The following PTPRR variants were observed in gnomAD, a reference collection of about 807,000 sequenced individuals.
The protein encoded by PTPRR is receptor-type tyrosine-protein phosphatase R.
A neutral mutation model predicts 77.2 loss-of-function variants in PTPRR; 38 were observed. That is an observed-to-expected ratio of 0.49 (90% CI 0.38 to 0.65). The LOEUF (loss-of-function observed/expected upper bound fraction) is 0.65, where lower values mean the gene tolerates loss of function less well. Ranked by LOEUF, PTPRR falls within the 30% of genes least tolerant of loss-of-function variation. The pLI is 0.00. For missense variants in PTPRR, 744 were observed against 799.2 expected, an observed-to-expected ratio of 0.93 and a Z score of 0.83; for synonymous variants, 299 against 283.1, an observed-to-expected ratio of 1.06 and a Z score of -0.57.
intron 2 of PTPRR, among the ~76,000 whole-genome samples, chr12:70,837,505 A>G (rs1411273504): frequency 6.6e-6 from 1 of 152,102 alleles, no homozygotes; most frequent in South Asian, 2.1e-4. Context: ...ACATCAAGCA[A>G]GAAATCAATT....
At chr12:70,747,091 A>G (rs904186486) in intron 5 of PTPRR, among the ~76,000 whole-genome samples, 2 of 152,204 alleles carry the variant, frequency 1.3e-5, no homozygotes, top group African/African-American at 4.8e-5. Flanking sequence ...AGCAAGTGTA[A>G]TGTGTTTTTT....
intron 1 of PTPRR, chr12:70,906,889 G>C (rs1020181649): frequency 2.6e-5 from 4 of 152,100 alleles, no homozygotes; most frequent in African/African-American, 2.4e-5. Context: ...AAAACACGTG[G>C]ATAAACTTAT....
intron 1 of PTPRR, among the ~76,000 whole-genome samples, chr12:70,906,590 A>T (rs1393857233): frequency 6.6e-6 from 1 of 152,064 alleles, no homozygotes; most frequent in Non-Finnish European, 1.5e-5. Flanking sequence ...ATGACAACCA[A>T]TGTTAGTTAG....
intron 1 of PTPRR, among the ~76,000 whole-genome samples, chr12:70,911,234 G>A (rs923269368): frequency 6.6e-6 from 1 of 152,130 alleles, no homozygotes; most frequent in Admixed American, 6.5e-5. Context: ...ACAGCCCAAT[G>A]GTCTAGAAAT....
At chr12:70,801,975 A>G (rs1315016597) in intron 2 of PTPRR, among the ~76,000 whole-genome samples, 2 of 152,152 alleles carry the variant, frequency 1.3e-5, no homozygotes, top group Non-Finnish European at 1.5e-5. Context: ...CAGATGGTGC[A>G]GGGGTGTCGC....
At chr12:70,899,455 T>C (rs769970885) in intron 1 of PTPRR, among the ~76,000 whole-genome samples, 2 of 151,270 alleles carry the variant, frequency 1.3e-5, no homozygotes, top group Non-Finnish European at 3.0e-5. Flanking sequence ...CTACTGAGAG[T>C]CTAAAGAGGA....
intron 8 of PTPRR, among the ~76,000 whole-genome samples, chr12:70,691,310 C>T (rs776351927): frequency 2.6e-5 from 4 of 152,092 alleles, no homozygotes; most frequent in Non-Finnish European, 4.4e-5. Context: ...ACTGTATATC[C>T]TTTTTTCGAG....
intron 13 of PTPRR, chr12:70,639,754 T>C (rs956481450): frequency 1.3e-5 from 2 of 152,842 alleles, no homozygotes; most frequent in African/African-American, 2.4e-5. Flanking sequence ...GTATTACTTC[T>C]CAGGTGCCTC....
intron 2 of PTPRR, among the ~76,000 whole-genome samples, chr12:70,838,101 G>A (rs575502622): frequency 6.6e-6 from 1 of 152,218 alleles, no homozygotes; most frequent in East Asian, 1.9e-4. Context: ...GACCTGAAAT[G>A]TCTTGTCTTG....
chr12:70,641,080 G>T (rs1885980037), intron 13 of PTPRR, among the ~76,000 whole-genome samples: 1 of 152,178 alleles, frequency 6.6e-6, no homozygotes, highest in South Asian at 2.1e-4. Flanking sequence ...CTTCTTAGCT[G>T]TGTGATGACA....
chr12:70,724,588 T>C (rs1565667191), intron 6 of PTPRR, among the ~76,000 whole-genome samples: 1 of 152,204 alleles, frequency 6.6e-6, no homozygotes, highest in Non-Finnish European at 1.5e-5. Context: ...GCTACCCTTG[T>C]TGCAGCTTCC....
intron 2 of PTPRR, among the ~76,000 whole-genome samples, chr12:70,772,810 T>C (rs1334172997): frequency 6.6e-6 from 1 of 152,160 alleles, no homozygotes; most frequent in Non-Finnish European, 1.5e-5. Flanking sequence ...TTGGAGTATA[T>C]AGAAAGCTAT....
intron 6 of PTPRR, among the ~76,000 whole-genome samples, chr12:70,707,841 G>T (rs1011765395): frequency 6.6e-6 from 1 of 152,008 alleles, no homozygotes; most frequent in Non-Finnish European, 1.5e-5. Flanking sequence ...TAGTTCAGTA[G>T]ATTTTTTCCA....
intron 2 of PTPRR, among the ~76,000 whole-genome samples, chr12:70,863,890 C>A (rs1053914067): frequency 6.6e-6 from 1 of 152,124 alleles, no homozygotes; most frequent in Non-Finnish European, 1.5e-5. Flanking sequence ...TTGACTCTGG[C>A]AATGCTACTA....
intron 2 of PTPRR, among the ~76,000 whole-genome samples, chr12:70,878,655 A>T (rs1259313194): frequency 4.6e-5 from 7 of 152,198 alleles, no homozygotes; most frequent in Non-Finnish European, 8.8e-5. Context: ...TGTTGGTGGG[A>T]CTGTAAACTA....
In PTPRR at chr12:70,764,732, A is replaced by G; in HGVS notation, c.404T>C (p.Ile135Thr). 1 of 1,614,196 alleles carries G rather than the reference A, an allele frequency of 6.2e-7. No individual in the cohort carries two copies. Among genetic ancestry groups the G allele is most frequent in the Non-Finnish European group, 8.5e-7 (1 of 1,180,022 alleles). The change falls in exon 3 of 14, where the codon ATC (isoleucine) becomes ACC (threonine). Residue 135 changes from isoleucine to threonine, a missense_variant. Ile to Thr is a moderately conservative substitution (Grantham distance 89, BLOSUM62 -1). Around this residue, in one of 3 missense-constraint regions of PTPRR, gnomAD observed 570 missense variants for 573.2 expected, o/e 0.99. Coordinates refer to ENST00000283228, the MANE Select transcript of PTPRR (RefSeq NM_002849.4). ...AGCTGCAGCCACTCCTTGGCGGAAGATCCGAAGCAAGGTTATGTTCAGCTT... is the reference window on the plus strand; with the variant it reads ...AGCTGCAGCCACTCCTTGGCGGAAGGTCCGAAGCAAGGTTATGTTCAGCTT... ...VNKLNITLLR[I>T]FRQGVAAALG...
intron 1 of PTPRR, among the ~76,000 whole-genome samples, chr12:70,894,733 A>G (rs559090470): frequency 6.6e-6 from 1 of 151,752 alleles, no homozygotes; most frequent in African/African-American, 2.4e-5. Context: ...TCTGAATTCC[A>G]TTATACTACA....
chr12:70,709,285 C>T (rs922868170), intron 6 of PTPRR, among the ~76,000 whole-genome samples: 3 of 152,110 alleles, frequency 2.0e-5, no homozygotes, highest in African/African-American at 7.2e-5. Flanking sequence ...GTTAAAAACT[C>T]TTAATAAACT....
chr12:70,788,487 A>G (rs1015928437), intron 2 of PTPRR, among the ~76,000 whole-genome samples: 1 of 152,138 alleles, frequency 6.6e-6, no homozygotes, highest in Non-Finnish European at 1.5e-5. Flanking sequence ...TATCTGCTCC[A>G]CTCAATGTCT....
Sources: gnomAD v4.1 joint callset for allele counts (sites outside exome capture counted in the v4.1 genomes callset) on GRCh38, gnomAD v4.1.1 for gene constraint, gnomAD v4.1.1 regional missense constraint, MANE v1.5 for transcripts, NCBI Gene and HGNC (gene_info 2026-07-23, HGNC 2026-07-21) for gene names.